Variants in CNNM2 observed in about 807,000 individuals in gnomAD.
The protein encoded by CNNM2 is cyclin and CBS domain divalent metal cation transport mediator 2.
In CNNM2, 12 loss-of-function variants were observed where a neutral mutation model predicts 66.9. The observed-to-expected ratio is 0.18, with a 90% CI of 0.11 to 0.29. The LOEUF is 0.29. Ranked by LOEUF, CNNM2 falls within the 10% of genes least tolerant of loss-of-function variation. The pLI, the probability that CNNM2 is intolerant of heterozygous loss-of-function variation, is 1.00. For missense variants in CNNM2, 705 were observed against 1,167.7 expected (o/e 0.60, Z 5.77); for synonymous variants, 557 against 501.8 (o/e 1.11, Z -1.47).
intron 1 of CNNM2, among the ~76,000 whole-genome samples, chr10:103,023,438 C>T (rs1160134712): frequency 6.6e-6 from 1 of 152,156 alleles, no homozygotes; most frequent in Non-Finnish European, 1.5e-5. Flanking sequence ...ATCCCAGCTA[C>T]TCAGGAGGCT....
intron 1 of CNNM2, among the ~76,000 whole-genome samples, chr10:103,024,739 A>G (rs1438902053): frequency 2.0e-5 from 3 of 151,970 alleles, no homozygotes; most frequent in Non-Finnish European, 4.4e-5. Flanking sequence ...CAGCCTCCCA[A>G]ATTGCTGGGA....
At chr10:103,001,496 C>G (rs1203383662) in intron 1 of CNNM2, among the ~76,000 whole-genome samples, 1 of 151,990 alleles carries the variant, frequency 6.6e-6, no homozygotes, top group Non-Finnish European at 1.5e-5. Flanking sequence ...TGATGTCTGC[C>G]CCATCCCAGC....
chr10:103,036,620 T>TACAA (rs1465616261), intron 1 of CNNM2, among the ~76,000 whole-genome samples: 1 of 152,192 alleles, frequency 6.6e-6, no homozygotes, highest in Non-Finnish European at 1.5e-5. Context: ...AAAAACCGTT[T>TACAA]CTCTCTTAGT....
intron 1 of CNNM2, among the ~76,000 whole-genome samples, chr10:102,996,901 C>G (rs1004435356): frequency 3.9e-5 from 6 of 152,098 alleles, no homozygotes; most frequent in African/African-American, 1.4e-4. Context: ...ATAATTCATT[C>G]TCTTATTCTA....
chr10:102,925,939 T>C (rs907832316), intron 1 of CNNM2, among the ~76,000 whole-genome samples: 2 of 152,228 alleles, frequency 1.3e-5, no homozygotes, highest in African/African-American at 4.8e-5. Context: ...CCTCAGGTAA[T>C]TAAATATAAG....
chr10:102,970,227 G>A (rs1032420390), intron 1 of CNNM2, among the ~76,000 whole-genome samples: 2 of 152,168 alleles, frequency 1.3e-5, no homozygotes, highest in South Asian at 2.1e-4. Context: ...GAGGTGGGAG[G>A]ATTGTTTGAG....
At chr10:103,076,891 G>A (rs567861098) in intron 7 of CNNM2, 80 bp from the exon 8 acceptor site, 8 of 1,284,448 alleles carry the variant, frequency 6.2e-6, no homozygotes, top group African/African-American at 5.8e-5. Flanking sequence ...TGGGCCTGTC[G>A]GGATTGAACG....
At chr10:103,030,384 A>G (rs1352035127) in intron 1 of CNNM2, among the ~76,000 whole-genome samples, 1 of 152,174 alleles carries the variant, frequency 6.6e-6, no homozygotes, top group African/African-American at 2.4e-5. Context: ...AGGACTTGGA[A>G]TTTAGGTGAA....
chr10:103,047,272 A>G (rs1034454509), intron 1 of CNNM2, among the ~76,000 whole-genome samples: 3 of 152,218 alleles, frequency 2.0e-5, no homozygotes, highest in Non-Finnish European at 4.4e-5. Flanking sequence ...CAGTATACTC[A>G]TGGGTGAAAC....
intron 1 of CNNM2, among the ~76,000 whole-genome samples, chr10:103,005,478 G>A (rs541613821): frequency 2.6e-4 from 39 of 150,740 alleles, no homozygotes; most frequent in East Asian, 6.0e-4. Context: ...GTGAAACCCC[G>A]TCTCTGCTAA....
At position 102,919,731 on chromosome 10, in the gene CNNM2, G is replaced by A. The variant is rs1293179542; in HGVS notation, c.1251G>A (p.Met417Ile). 6.2e-7 allele frequency: 1 copy of A among 1,614,228 alleles called. No individual in the cohort carries two copies. The highest frequency in any genetic ancestry group is 1.7e-5 in the Admixed American group (1 of 60,036). Residue 417 changes from methionine to isoleucine, a missense_variant, in exon 1 of 8, where the codon ATG (methionine) becomes ATA (isoleucine). By Grantham distance (10) the Met-to-Ile change is conservative (BLOSUM62 1). Coordinates refer to ENST00000369878, the MANE Select transcript of CNNM2 (RefSeq NM_017649.5). ...ATAACCGGGAAAAACTGCTGGAGATGCTCCGGGTCACCGATCCCTACAACG... is the reference window on the plus strand; with the variant it reads ...ATAACCGGGAAAAACTGCTGGAGATACTCCGGGTCACCGATCCCTACAACG... ...TVYNREKLLEMLRVTDPYNDL... is the reference protein window; with the variant it reads ...TVYNREKLLEILRVTDPYNDL...
chr10:102,996,530 C>T (rs138730922), intron 1 of CNNM2, among the ~76,000 whole-genome samples: 1 of 152,282 alleles, frequency 6.6e-6, no homozygotes, highest in East Asian at 1.9e-4. Flanking sequence ...CATAGGGAGA[C>T]CTTGTCTCTA....
At chr10:102,984,459 A>G (rs2063764880) in intron 1 of CNNM2, among the ~76,000 whole-genome samples, 1 of 152,174 alleles carries the variant, frequency 6.6e-6, no homozygotes, top group Non-Finnish European at 1.5e-5. Context: ...CCCAGTAGCC[A>G]TTAAGTAGGG....
At position 103,082,662 on chromosome 10, in the gene CNNM2, A is replaced by G. The variant is rs890687895; in HGVS notation, c.*5482A>G. 6.6e-6 allele frequency: 1 copy of G among 152,080 alleles called. No individual in the cohort carries two copies. Among genetic ancestry groups the G allele is most frequent in the Non-Finnish European group, 1.5e-5 (1 of 68,046 alleles). 9.4% of individuals were successfully genotyped at this position (152,080 alleles called of 1,614,324 possible). A position where few individuals can be genotyped will look rare whatever the true frequency, so the allele number is the denominator to read the frequency against. ...TGTCCTTTAAGGCGGGTGAGAGGGT[A>G]GTGTTGTTTTTTATAAACAGGTTGC... On this transcript the variant is annotated 3_prime_UTR_variant, in exon 8 of 8. Transcript: ENST00000369878.
intron 6 of CNNM2, among the ~76,000 whole-genome samples, chr10:103,075,763 A>C (rs528198709): frequency 1.3e-5 from 2 of 151,020 alleles, no homozygotes; most frequent in African/African-American, 4.9e-5. Flanking sequence ...CCTTGGCCCA[A>C]CCTCGCCTGA....
At chr10:102,923,145 A>T (rs1285929183) in intron 1 of CNNM2, among the ~76,000 whole-genome samples, 1 of 151,664 alleles carries the variant, frequency 6.6e-6, no homozygotes, top group Non-Finnish European at 1.5e-5. Flanking sequence ...TTTTTTCCCC[A>T]AGAGACAAGG....
At chr10:102,972,865 C>T (rs2063567305) in intron 1 of CNNM2, among the ~76,000 whole-genome samples, 1 of 152,140 alleles carries the variant, frequency 6.6e-6, no homozygotes, top group African/African-American at 2.4e-5. Context: ...AACTGCTGTA[C>T]ATTGTACCCT....
intron 1 of CNNM2, among the ~76,000 whole-genome samples, chr10:102,963,321 A>G (rs1333129792): frequency 2.6e-5 from 4 of 152,190 alleles, no homozygotes; most frequent in Non-Finnish European, 4.4e-5. Context: ...CCTAACTGGA[A>G]CGCACAGTCA....
intron 1 of CNNM2, among the ~76,000 whole-genome samples, chr10:102,952,179 A>G (rs1413754214): frequency 6.6e-6 from 1 of 151,556 alleles, no homozygotes; most frequent in East Asian, 2.0e-4. Context: ...GGGCTCAAAC[A>G]GTCGTCCTGC....
Sources: gnomAD v4.1 joint callset for allele counts (sites outside exome capture counted in the v4.1 genomes callset) on GRCh38, gnomAD v4.1.1 for gene constraint, MANE v1.5 for transcripts, NCBI Gene and HGNC (gene_info 2026-07-23, HGNC 2026-07-21) for gene names.